The following VTI1A variants were observed in gnomAD, a reference collection of about 807,000 sequenced individuals.
The protein encoded by VTI1A is vesicle transport through interaction with t-SNAREs homolog 1A.
Under a neutral mutation model 34.9 loss-of-function variants are expected in VTI1A, and 22 were observed. That is an observed-to-expected ratio of 0.63 (90% CI 0.45 to 0.90). VTI1A has a LOEUF of 0.90. Among genes scored for constraint, VTI1A ranks in the 40% least tolerant of loss-of-function variants. The pLI is 0.00. For synonymous variants in VTI1A, 87 were observed against 97.3 expected (o/e 0.89, Z 0.62); for missense variants, 268 against 275.6 (o/e 0.97, Z 0.20).
chr10:112,737,915 G>A, intron 7 of VTI1A: 1 of 1,062,856 alleles, frequency 9.4e-7, no homozygotes, highest in Non-Finnish European at 1.1e-6. Context: ...AGAGAGCTGA[G>A]GATGGAGGTA....
At chr10:112,594,389 A>G (rs1211332643) in intron 5 of VTI1A, among the ~76,000 whole-genome samples, 1 of 152,140 alleles carries the variant, frequency 6.6e-6, no homozygotes, top group Non-Finnish European at 1.5e-5. Context: ...TTCACAGACG[A>G]CATGATTGTA....
chr10:112,774,469 AG>A (rs144149683), intron 7 of VTI1A, among the ~76,000 whole-genome samples: 2,659 of 152,282 alleles, frequency 0.017, 71 homozygotes, highest in African/African-American at 0.059. Flanking sequence ...AGTGTGAAGA[AG>A]GTGAACTCTG....
At chr10:112,851,971 A>T in the VTI1A span, among the ~76,000 whole-genome samples, 1 of 152,252 alleles carries the variant, frequency 6.6e-6, no homozygotes, top group South Asian at 2.1e-4. Context: ...TGACTTGCAG[A>T]TTCACTTCCT....
chr10:112,844,600 T>C, the VTI1A span, among the ~76,000 whole-genome samples: 1 of 152,218 alleles, frequency 6.6e-6, no homozygotes. Flanking sequence ...AGTTTCACCA[T>C]GTTGGTCTGG....
the VTI1A span, among the ~76,000 whole-genome samples, chr10:112,828,436 C>T: frequency 7.2e-5 from 11 of 151,954 alleles, 1 homozygote; most frequent in South Asian, 1.0e-3. Context: ...GATGGAGTCT[C>T]GCTCTGTTGC....
At chr10:112,678,997 A>T (rs1259929016) in intron 7 of VTI1A, among the ~76,000 whole-genome samples, 1 of 152,214 alleles carries the variant, frequency 6.6e-6, no homozygotes, top group East Asian at 1.9e-4. Context: ...CTATAATATA[A>T]AATTAGTTTT....
rs117828006 is a variant in VTI1A, at chr10:112,756,768, C to T, written c.561-58522C>T. On this transcript the variant is annotated intron_variant, in intron 7 of 7. Transcript: ENST00000393077. ...GCTTTCTTTAAGATGTATCATTTGG[C>T]TGGGCACAGTGGCTCACACCTATAA... 6.1e-4 allele frequency among the ~76,000 whole-genome samples: 93 copies of T among 152,174 alleles called. 2 individuals carry two copies. In the East Asian group the frequency reaches 0.017, roughly 28 times the overall value.
chr10:112,586,131 C>CTT (rs34278191), intron 5 of VTI1A, among the ~76,000 whole-genome samples: 110 of 147,200 alleles, frequency 7.5e-4, no homozygotes, highest in Middle Eastern at 3.5e-3. Flanking sequence ...TAAAGAGTGG[C>CTT]TTTTTTTTTT....
chr10:112,650,258 AAACT>A (rs1846957688), intron 5 of VTI1A, among the ~76,000 whole-genome samples: 1 of 152,106 alleles, frequency 6.6e-6, no homozygotes, highest in African/African-American at 2.4e-5. Flanking sequence ...TTTTTGTTAA[AAACT>A]AAGACACAAA....
rs187806066 is a variant in VTI1A at position 112,467,440 on chromosome 10, C to G, written c.264+2783C>G. Among the ~76,000 whole-genome samples, 344 of 152,146 alleles carry G rather than the reference C, an allele frequency of 2.3e-3. 2 individuals carry two copies. The highest frequency in any genetic ancestry group is 7.3e-3 in the African/African-American group (305 of 41,518). ...TGTCTTGGGCTACACATAAAATATCCTAACACTGATGATAGCTGATGAGCT... is the reference window on the plus strand; with the variant it reads ...TGTCTTGGGCTACACATAAAATATCGTAACACTGATGATAGCTGATGAGCT... On this transcript the variant is annotated intron_variant, in intron 3 of 7. Coordinates refer to ENST00000393077, the MANE Select transcript of VTI1A (RefSeq NM_145206.4).
chr10:112,726,161 C>G (rs12415108), intron 7 of VTI1A, among the ~76,000 whole-genome samples: 25,860 of 152,046 alleles, frequency 0.17, 2,403 homozygotes, highest in Middle Eastern at 0.24. Flanking sequence ...GCTCCCTCCC[C>G]ACACAGTCTT....
At chr10:112,783,657 G>A (rs1378627927) in intron 7 of VTI1A, among the ~76,000 whole-genome samples, 1 of 152,128 alleles carries the variant, frequency 6.6e-6, no homozygotes, top group Non-Finnish European at 1.5e-5. Context: ...TGGCTTTGGA[G>A]GTAAGGAAAA....
intron 5 of VTI1A, among the ~76,000 whole-genome samples, chr10:112,576,136 T>G (rs1051842394): frequency 6.6e-6 from 1 of 150,840 alleles, no homozygotes; most frequent in Non-Finnish European, 1.5e-5. Flanking sequence ...TTCTCCTGCC[T>G]CAGCCTCCTG....
the VTI1A span, among the ~76,000 whole-genome samples, chr10:112,841,933 G>A: frequency 1.3e-5 from 2 of 152,064 alleles, no homozygotes; most frequent in African/African-American, 2.4e-5. Flanking sequence ...CAAGCCCAAG[G>A]CCGGTGGAGG....
At chr10:112,461,521 A>G (rs560496422) in intron 2 of VTI1A, among the ~76,000 whole-genome samples, 2 of 152,226 alleles carry the variant, frequency 1.3e-5, no homozygotes, top group Non-Finnish European at 2.9e-5. Context: ...TAAGTGATAG[A>G]GTAAATATTT....
At chr10:112,663,656 A>G (rs1169198342) in intron 5 of VTI1A, among the ~76,000 whole-genome samples, 1 of 152,230 alleles carries the variant, frequency 6.6e-6, no homozygotes, top group Non-Finnish European at 1.5e-5. Flanking sequence ...TATTCAGGGC[A>G]TGATAGCTGA....
chr10:112,671,553 AT>A, intron 7 of VTI1A, among the ~76,000 whole-genome samples: 1 of 152,322 alleles, frequency 6.6e-6, no homozygotes, highest in South Asian at 2.1e-4. Flanking sequence ...TATTTTTAAA[AT>A]TTTTTAAACC....
intron 5 of VTI1A, among the ~76,000 whole-genome samples, chr10:112,635,759 T>G (rs949269443): frequency 7.9e-5 from 12 of 152,140 alleles, no homozygotes; most frequent in Non-Finnish European, 1.5e-4. Flanking sequence ...TAAAGGAAGA[T>G]TCAAACTGAG....
chr10:112,649,723 G>A (rs569797576), intron 5 of VTI1A, among the ~76,000 whole-genome samples: 2 of 152,310 alleles, frequency 1.3e-5, no homozygotes, highest in Admixed American at 6.5e-5. Flanking sequence ...GATGGCAGAG[G>A]ATCCAGCACA....
Sources: gnomAD v4.1 joint callset for allele counts (sites outside exome capture counted in the v4.1 genomes callset) on GRCh38, gnomAD v4.1.1 for gene constraint, MANE v1.5 for transcripts, NCBI Gene and HGNC (gene_info 2026-07-23, HGNC 2026-07-21) for gene names.